Variants in PTPN4 observed in about 807,000 individuals in gnomAD.
The protein encoded by PTPN4 is tyrosine-protein phosphatase non-receptor type 4.
A neutral mutation model predicts 135.5 loss-of-function variants in PTPN4; 49 were observed. That is an observed-to-expected ratio of 0.36 (90% CI 0.29 to 0.46). PTPN4 has a LOEUF of 0.46. Among genes scored for constraint, PTPN4 ranks in the 20% least tolerant of loss-of-function variants. The pLI, the probability that PTPN4 is intolerant of heterozygous loss-of-function variation, is 1.00. For synonymous variants in PTPN4, 333 were observed against 369.9 expected (o/e 0.90, Z 1.14); for missense variants, 860 against 1,101.0 (o/e 0.78, Z 3.10).
At chr2:119,924,235 G>T (rs1022073301) in intron 12 of PTPN4, among the ~76,000 whole-genome samples, 1 of 151,092 alleles carries the variant, frequency 6.6e-6, no homozygotes, top group Non-Finnish European at 1.5e-5. Context: ...AGTTCTTAAG[G>T]TTTTCTTCAT....
chr2:119,852,860 T>C (rs1677612840), intron 2 of PTPN4, among the ~76,000 whole-genome samples: 1 of 152,140 alleles, frequency 6.6e-6, no homozygotes, highest in Admixed American at 6.5e-5. Context: ...TGTTTTGTTT[T>C]GTTTTGTTTT....
intron 2 of PTPN4, among the ~76,000 whole-genome samples, chr2:119,827,670 G>A (rs1233639777): frequency 2.0e-5 from 3 of 152,144 alleles, no homozygotes; most frequent in Non-Finnish European, 4.4e-5. Flanking sequence ...TACTTCAGAT[G>A]CGTCCGTTGT....
intron 10 of PTPN4, among the ~76,000 whole-genome samples, chr2:119,903,775 G>C (rs1678443988): frequency 6.6e-6 from 1 of 152,108 alleles, no homozygotes; most frequent in African/African-American, 2.4e-5. Context: ...CCCAAGGACT[G>C]GCATGCCCAG....
At chr2:119,829,629 A>T (rs991528196) in intron 2 of PTPN4, among the ~76,000 whole-genome samples, 2 of 152,218 alleles carry the variant, frequency 1.3e-5, no homozygotes, top group African/African-American at 4.8e-5. Context: ...TCAAGGAAGC[A>T]TGTAGCATGT....
chr2:119,775,320 A>C (rs764195634), intron 1 of PTPN4, among the ~76,000 whole-genome samples: 2 of 152,014 alleles, frequency 1.3e-5, no homozygotes, highest in Admixed American at 1.3e-4. Flanking sequence ...GTCATATAAC[A>C]AGAAGGCCTG....
chr2:119,881,879 A>C lies in PTPN4; in HGVS notation c.413+49A>C, dbSNP rs1467791063. 2.2e-6 allele frequency: 3 copies of C among 1,364,912 alleles called. No individual in the cohort carries two copies. In the South Asian group the frequency reaches 3.8e-5, roughly 17 times the overall value. The allele number at this position is 1,364,912 out of a possible 1,614,324, so 84.6% of individuals were successfully genotyped here. A position where few individuals can be genotyped will look rare whatever the true frequency, so the allele number is the denominator to read the frequency against. ...AAATTTTTTGTAATGGACTTTAAAAATACTTTTTAAATCTGTGTTAAGTAA... is the reference window on the plus strand; with the variant it reads ...AAATTTTTTGTAATGGACTTTAAAACTACTTTTTAAATCTGTGTTAAGTAA... On this transcript the variant is annotated intron_variant, in intron 6 of 26. Coordinates refer to ENST00000263708, the MANE Select transcript of PTPN4 (RefSeq NM_002830.4).
At chr2:119,967,697 T>A in intron 25 of PTPN4, 140 bp from the exon 26 acceptor site, 1 of 653,402 alleles carries the variant, frequency 1.5e-6, no homozygotes, top group Non-Finnish European at 2.3e-6. Context: ...AAATATTCTG[T>A]ATTTGGCTTA....
Position 119,982,940 on chromosome 2 carries a change from C to A in PTPN4, c.*5870C>A, listed in dbSNP as rs1458942812. 6.6e-6 allele frequency: 1 copy of A among 152,160 alleles called. No homozygotes were observed. The highest frequency in any genetic ancestry group is 2.4e-5 in the African/African-American group (1 of 41,456). The allele number at this position is 152,160 out of a possible 1,614,324, so 9.4% of individuals were successfully genotyped here. A position where few individuals can be genotyped will look rare whatever the true frequency, so the allele number is the denominator to read the frequency against. The stretch of plus-strand genomic sequence containing the variant: ...AGCTGAACAAGAACTACATCTTAAA[C>A]CACCTTTGTAGGTATGATTAATACG... On this transcript the variant is annotated 3_prime_UTR_variant, in exon 27 of 27. Coordinates refer to ENST00000263708, the MANE Select transcript of PTPN4 (RefSeq NM_002830.4).
intron 1 of PTPN4, among the ~76,000 whole-genome samples, chr2:119,790,944 T>A (rs1558726461): frequency 6.6e-6 from 1 of 152,182 alleles, no homozygotes; most frequent in Non-Finnish European, 1.5e-5. Flanking sequence ...TTTGCTCCTA[T>A]ATAGCACATC....
chr2:119,784,244 C>G (rs1691001645), intron 1 of PTPN4, among the ~76,000 whole-genome samples: 1 of 151,508 alleles, frequency 6.6e-6, no homozygotes, highest in Admixed American at 6.6e-5. Context: ...CCCTCCTTCC[C>G]CAGAATCAAG....
At chr2:119,807,753 C>T (rs1691499398) in intron 1 of PTPN4, among the ~76,000 whole-genome samples, 1 of 152,122 alleles carries the variant, frequency 6.6e-6, no homozygotes, top group Non-Finnish European at 1.5e-5. Context: ...GATACCAAAG[C>T]CTGGCAGAGA....
At chr2:119,945,036 T>A in intron 15 of PTPN4, 45 bp from the exon 16 acceptor site, 2 of 1,539,662 alleles carry the variant, frequency 1.3e-6, no homozygotes, top group South Asian at 2.6e-5. Context: ...ACCCTAACTT[T>A]TAAAAAAGTT....
chr2:119,904,252 T>C (rs1678452173), intron 10 of PTPN4, among the ~76,000 whole-genome samples: 1 of 151,696 alleles, frequency 6.6e-6, no homozygotes, highest in Non-Finnish European at 1.5e-5. Flanking sequence ...ATTTTGGAAC[T>C]GAGTTCAGTG....
At chr2:119,858,621 T>A (rs1466646924) in intron 2 of PTPN4, among the ~76,000 whole-genome samples, 5 of 152,046 alleles carry the variant, frequency 3.3e-5, no homozygotes, top group African/African-American at 1.2e-4. Context: ...GTTGTTGTCA[T>A]CTTTTTATTT....
intron 1 of PTPN4, among the ~76,000 whole-genome samples, chr2:119,808,353 T>C (rs1691519133): frequency 6.6e-6 from 1 of 152,206 alleles, no homozygotes; most frequent in Admixed American, 6.5e-5. Flanking sequence ...AAAATCTCCT[T>C]AAGCTGATAA....
At chr2:119,896,553 C>G (rs957833351) in intron 9 of PTPN4, among the ~76,000 whole-genome samples, 2 of 152,066 alleles carry the variant, frequency 1.3e-5, no homozygotes, top group Non-Finnish European at 2.9e-5. Flanking sequence ...GTGCATAATG[C>G]CTGGGTTTTG....
chr2:119,898,715 A>T (rs1574394231), intron 9 of PTPN4, among the ~76,000 whole-genome samples: 1 of 152,148 alleles, frequency 6.6e-6, no homozygotes, highest in East Asian at 1.9e-4. Flanking sequence ...TTTTCTAGAC[A>T]TTGGAATTAA....
chr2:119,967,404 G>A (rs566630786), intron 25 of PTPN4, among the ~76,000 whole-genome samples: 19 of 151,788 alleles, frequency 1.3e-4, no homozygotes, highest in African/African-American at 4.6e-4. Context: ...AGCCGAGATC[G>A]CACCACTGCA....
intron 18 of PTPN4, among the ~76,000 whole-genome samples, chr2:119,951,084 G>A (rs573202945): frequency 1.9e-4 from 29 of 152,202 alleles, no homozygotes; most frequent in East Asian, 1.7e-3. Flanking sequence ...TAGTTTAAAC[G>A]GTGCTTGCCT....
Sources: gnomAD v4.1 joint callset for allele counts (sites outside exome capture counted in the v4.1 genomes callset) on GRCh38, gnomAD v4.1.1 for gene constraint, MANE v1.5 for transcripts, NCBI Gene and HGNC (gene_info 2026-07-23, HGNC 2026-07-21) for gene names.